Variants in MTX3 observed in about 807,000 individuals in gnomAD.
MTX3 encodes the protein metaxin 3, also known as metaxin-3.
Under a neutral mutation model 42.5 loss-of-function variants are expected in MTX3, and 27 were observed. The ratio of observed to expected loss-of-function variants is 0.64; its 90% CI spans 0.47 to 0.88. The LOEUF (loss-of-function observed/expected upper bound fraction) is 0.88, where lower values mean the gene tolerates loss of function less well. Among genes scored for constraint, MTX3 ranks in the 40% least tolerant of loss-of-function variants. The probability of loss-of-function intolerance (pLI) is 0.00; values close to 1 mark genes in which losing one functional copy is unlikely to be tolerated. For synonymous variants in MTX3, 144 were observed against 132.9 expected, an observed-to-expected ratio of 1.08 and a Z score of -0.57; for missense variants, 378 against 367.0, an observed-to-expected ratio of 1.03 and a Z score of -0.25.
chr5:79,990,323 C>A, intron 2 of MTX3, 87 bp from the exon 3 acceptor site: 2 of 899,236 alleles, frequency 2.2e-6, no homozygotes, highest in South Asian at 1.8e-5. Context: ...AGCAGTTGCA[C>A]ATTTAGAGGG....
rs563098784 is a variant in MTX3 at position 79,979,531 on chromosome 5, C to T, written c.*4153G>A. 1 of 152,292 alleles carries T rather than the reference C, an allele frequency of 6.6e-6. No individual in the cohort carries two copies. The highest frequency in any genetic ancestry group is 2.1e-4 in the South Asian group (1 of 4,826). The allele number at this position is 152,292 out of a possible 1,614,324, so 9.4% of individuals were successfully genotyped here. On this transcript the variant is annotated 3_prime_UTR_variant, in exon 9 of 9. Coordinates refer to ENST00000512528, the MANE Select transcript of MTX3 (RefSeq NM_001363818.2). ...AGACAAAGACAATTACAGCTTAAAA[C>T]GAAAAGCTACACCTTCTTCATTAAA...
In MTX3 at chr5:79,986,951, T is replaced by A; in HGVS notation, c.738A>T (p.Gly246=). ...TTAGCTGAAAAAGAGCCAGCTTACC[T>A]CCAAGACTAAGCCTAAAATAACTGC... The part of the protein sequence containing the change: ...ILSSYFRLSL[G]GISPAGQETV... Residue 246 remains glycine, a splice_region_variant and synonymous_variant, in exon 7 of 9, where the codon GGA becomes GGT. Transcript: ENST00000512528. The A allele has an allele frequency of 6.2e-7, 1 of 1,613,312 alleles. No homozygotes were observed. Among genetic ancestry groups the A allele is most frequent in the South Asian group, 1.1e-5 (1 of 90,978 alleles).
In MTX3 at chr5:79,983,436, C is replaced by T. The variant is rs893131175; in HGVS notation, c.*248G>A. ...TTAAGGCAGTTCTTTGTATACAGTA[C>T]GATGTGTTTTTCTTCCCCGCCCCCC... On this transcript the variant is annotated 3_prime_UTR_variant, in exon 9 of 9. Coordinates refer to ENST00000512528, the MANE Select transcript of MTX3 (RefSeq NM_001363818.2). 2 of 521,574 alleles carry T rather than the reference C, an allele frequency of 3.8e-6. No homozygotes were observed. The highest frequency in any genetic ancestry group is 2.1e-5 in the South Asian group (1 of 47,708). 32.3% of individuals were successfully genotyped at this position (521,574 alleles called of 1,614,324 possible). A position where few individuals can be genotyped will look rare whatever the true frequency, so the allele number is the denominator to read the frequency against.
intron 3 of MTX3, 72 bp downstream of exon 3, chr5:79,990,088 A>G: frequency 1.1e-6 from 1 of 912,098 alleles, no homozygotes; most frequent in Non-Finnish European, 1.6e-6. Flanking sequence ...AAAAAAATAA[A>G]TAAATAAAAT....
chr5:79,987,166 G>A (rs1045682985), intron 6 of MTX3, 59 bp from the exon 7 acceptor site: 2 of 1,517,226 alleles, frequency 1.3e-6, no homozygotes, highest in Non-Finnish European at 1.8e-6. Context: ...AAGGCCGGGT[G>A]TGGTGGCTCA....
At chr5:79,988,037 G>A (rs1831537327) in intron 6 of MTX3, among the ~76,000 whole-genome samples, 1 of 152,168 alleles carries the variant, frequency 6.6e-6, no homozygotes, top group Non-Finnish European at 1.5e-5. Flanking sequence ...GGTTGGTCTT[G>A]AACTTCTGGC....
intron 7 of MTX3, 177 bp downstream of exon 7, chr5:79,986,769 TTAAA>T (rs766293126): frequency 2.0e-5 from 12 of 608,942 alleles, no homozygotes; most frequent in Non-Finnish European, 2.9e-5. Flanking sequence ...ATTTATCTAT[TTAAA>T]TAAGAACTAA....
intron 4 of MTX3, 71 bp from the exon 5 acceptor site, chr5:79,988,715 G>T: frequency 7.6e-7 from 1 of 1,324,030 alleles, no homozygotes; most frequent in South Asian, 1.5e-5. Flanking sequence ...ATCAACATGA[G>T]AGTTTTTCAT....
chr5:79,984,286 C>G (rs956452449), intron 8 of MTX3, among the ~76,000 whole-genome samples: 5 of 152,162 alleles, frequency 3.3e-5, no homozygotes, highest in Non-Finnish European at 5.9e-5. Flanking sequence ...AGTATGAGAG[C>G]TGAAACTTGA....
chr5:79,982,414 G>A lies in MTX3; in HGVS notation c.*1270C>T, dbSNP rs746794056. ...TTTCTTAACATATGGGTTCCTGCAC[G>A]ACTTGATAAGATTTGCTGAGCACCA... On this transcript the variant is annotated 3_prime_UTR_variant, in exon 9 of 9. Coordinates refer to ENST00000512528, the MANE Select transcript of MTX3 (RefSeq NM_001363818.2). 3.9e-5 allele frequency: 18 copies of A among 456,496 alleles called. No individual in the cohort carries two copies. The highest frequency in any genetic ancestry group is 3.3e-4 in the Middle Eastern group (1 of 3,076). The allele number at this position is 456,496 out of a possible 1,614,324, so 28.3% of individuals were successfully genotyped here. A position where few individuals can be genotyped will look rare whatever the true frequency, so the allele number is the denominator to read the frequency against.
intron 6 of MTX3, among the ~76,000 whole-genome samples, chr5:79,987,644 G>C (rs991298934): frequency 3.7e-4 from 56 of 152,094 alleles, no homozygotes; most frequent in African/African-American, 1.3e-3. Flanking sequence ...GACTCTAGGA[G>C]AAAATGAAAT....
intron 6 of MTX3, among the ~76,000 whole-genome samples, chr5:79,987,424 G>A (rs1276183020): frequency 1.7e-5 from 2 of 114,648 alleles, no homozygotes; most frequent in East Asian, 2.5e-4. Context: ...TGGGCAACAA[G>A]AGCAAGACTC....
rs1175252084 is a variant in MTX3 at position 79,977,415 on chromosome 5, A to C, written c.*6269T>G. 1 of 152,224 alleles carries C rather than the reference A, an allele frequency of 6.6e-6. No homozygotes were observed. The highest frequency in any genetic ancestry group is 1.5e-5 in the Non-Finnish European group (1 of 68,038). The allele number at this position is 152,224 out of a possible 1,614,324, so 9.4% of individuals were successfully genotyped here. On this transcript the variant is annotated 3_prime_UTR_variant, in exon 9 of 9. Transcript: ENST00000512528. ...GAAATGATTAAAAGACATTTCTCTG[A>C]ATTTGCAAGAAGACGACTGAAGAAT...
intron 1 of MTX3, 26 bp from the exon 2 acceptor site, chr5:79,990,689 T>G: frequency 6.3e-7 from 1 of 1,575,314 alleles, no homozygotes; most frequent in Non-Finnish European, 8.7e-7. Flanking sequence ...CAATCAAACA[T>G]TTTAGACCAA....
chr5:79,989,114 T>C (rs753097508), intron 4 of MTX3, 38 bp downstream of exon 4: 1 of 1,390,146 alleles, frequency 7.2e-7, no homozygotes, highest in Non-Finnish European at 9.9e-7. Context: ...CATTTGCAAC[T>C]AGGCTACTAA....
At position 79,978,462 on chromosome 5, in the gene MTX3, T is replaced by C; in HGVS notation, c.*5222A>G. 6.6e-6 allele frequency: 1 copy of C among 152,452 alleles called. No homozygotes were observed. The highest frequency in any genetic ancestry group is 3.4e-3 in the Middle Eastern group (1 of 296). The allele number at this position is 152,452 out of a possible 1,614,324, so 9.4% of individuals were successfully genotyped here. On this transcript the variant is annotated 3_prime_UTR_variant, in exon 9 of 9. Transcript: ENST00000512528. ...AAAATTAGCTGGGCGTGGTGGCAGG[T>C]GCCTGTAATCCCAGTAAATTGGGAG...
At position 79,981,109 on chromosome 5, in the gene MTX3, G is replaced by A. The variant is rs1410830208; in HGVS notation, c.*2575C>T. 1 of 151,920 alleles carries A rather than the reference G, an allele frequency of 6.6e-6. No homozygotes were observed. The allele number at this position is 151,920 out of a possible 1,614,324, so 9.4% of individuals were successfully genotyped here. A position where few individuals can be genotyped will look rare whatever the true frequency, so the allele number is the denominator to read the frequency against. On this transcript the variant is annotated 3_prime_UTR_variant, in exon 9 of 9. Transcript: ENST00000512528. Reference sequence around the variant, plus strand: ...ACTTGCTTGAACCCAGGAGGTAGAGGTTGCAGTGAGCCGAGACTGCGCTAC... The same window carrying A: ...ACTTGCTTGAACCCAGGAGGTAGAGATTGCAGTGAGCCGAGACTGCGCTAC...
Position 79,983,350 on chromosome 5 carries a change from C to A in MTX3, c.*334G>T. On this transcript the variant is annotated 3_prime_UTR_variant, in exon 9 of 9. Coordinates refer to ENST00000512528, the MANE Select transcript of MTX3 (RefSeq NM_001363818.2). ...ATCAAATAAATTAGGAGTGCACATTCAGAACAGAATTGTAGCCTTTGGTCA... is the reference window on the plus strand; with the variant it reads ...ATCAAATAAATTAGGAGTGCACATTAAGAACAGAATTGTAGCCTTTGGTCA... The A allele has an allele frequency of 4.3e-6, 1 of 230,096 alleles. No homozygotes were observed. The highest frequency in any genetic ancestry group is 8.5e-6 in the Non-Finnish European group (1 of 117,286). The allele number at this position is 230,096 out of a possible 1,614,324, so 14.3% of individuals were successfully genotyped here.
In MTX3 at chr5:79,989,169, T is replaced by C. The variant is rs898032044; in HGVS notation, c.304A>G (p.Lys102Glu). Residue 102 changes from lysine to glutamate, a missense_variant, in exon 4 of 9, where the codon AAG becomes GAG. By Grantham distance (56) the Lys-to-Glu change is moderately conservative. Coordinates refer to ENST00000512528, the MANE Select transcript of MTX3 (RefSeq NM_001363818.2). ...ACACTCACCACTGCAGGGAGAAGCT[T>C]CTCTTCGAGGAGAGCAATATAAGCC... ...TLAYIALLEE[K>E]LLPAVLHTFW... The C allele has an allele frequency of 6.2e-6, 10 of 1,606,216 alleles. No individual in the cohort carries two copies. The highest frequency in any genetic ancestry group is 7.7e-6 in the Non-Finnish European group (9 of 1,176,042).
Sources: gnomAD v4.1 joint callset for allele counts (sites outside exome capture counted in the v4.1 genomes callset) on GRCh38, gnomAD v4.1.1 for gene constraint, MANE v1.5 for transcripts, NCBI Gene and HGNC (gene_info 2026-07-23, HGNC 2026-07-21) for gene names.